The following SLC33A1 variants were observed in gnomAD, a reference collection of about 807,000 sequenced individuals.
SLC33A1 encodes the protein solute carrier family 33 member 1.
Under a neutral mutation model 50.0 loss-of-function variants are expected in SLC33A1, and 20 were observed. The ratio of observed to expected loss-of-function variants is 0.40; its 90% confidence interval spans 0.28 to 0.58. The LOEUF (loss-of-function observed/expected upper bound fraction) is 0.58. Among genes scored for constraint, SLC33A1 ranks in the 20% least tolerant of loss-of-function variants. SLC33A1 has a pLI of 0.44. For synonymous variants in SLC33A1, 265 were observed against 251.8 expected (o/e 1.05, Z -0.50); for missense variants, 476 against 657.0 (o/e 0.72, Z 3.01).
Position 155,853,653 on chromosome 3 carries a change from G to C in SLC33A1, c.345C>G (p.Val115=). The change falls in exon 1 of 6, where the codon GTC becomes GTG. Residue 115 remains valine (V), a synonymous_variant. Transcript: ENST00000643144. ...GTAATTTGAGACTGAAGGGCCAAAA[G>C]ACAAAACTGAAGAAAGCTTGGTCTG... ...SYTDQAFFSF[V]FWPFSLKLLW... is the part of the protein sequence containing the mutation. 6.2e-7 allele frequency: 1 copy of C among 1,614,202 alleles called. No individual in the cohort carries two copies. The highest frequency in any genetic ancestry group is 8.5e-7 in the Non-Finnish European group (1 of 1,180,034).
At chr3:155,838,990 T>C (rs1752815837) in intron 2 of SLC33A1, among the ~76,000 whole-genome samples, 1 of 150,730 alleles carries the variant, frequency 6.6e-6, no homozygotes, top group South Asian at 2.1e-4. Flanking sequence ...CTGTCTCTAC[T>C]AAAAATACAA....
intron 5 of SLC33A1, among the ~76,000 whole-genome samples, chr3:155,828,774 G>A (rs1253267576): frequency 6.6e-6 from 1 of 151,654 alleles, no homozygotes; most frequent in African/African-American, 2.4e-5. Context: ...ATTTTTTGTA[G>A]AGATGGTGCT....
intron 1 of SLC33A1, among the ~76,000 whole-genome samples, chr3:155,845,342 T>C (rs1317873922): frequency 6.6e-6 from 1 of 152,198 alleles, no homozygotes; most frequent in Non-Finnish European, 1.5e-5. Flanking sequence ...TTTTTCTTTT[T>C]TTGAGACAGG....
chr3:155,831,319 G>A (rs992772628), intron 4 of SLC33A1, among the ~76,000 whole-genome samples: 8 of 151,876 alleles, frequency 5.3e-5, no homozygotes, highest in Admixed American at 6.6e-5. Flanking sequence ...AGCTGGGTGA[G>A]GTGGTGCTCA....
Position 155,853,875 on chromosome 3 carries a change from G to A in SLC33A1, c.123C>T (p.Asp41=), listed in dbSNP as rs747392518. ...CTCTGTCCCCTTCCCGGCCCGCTGAGTCCAAATGACTGTCATCCCAACCGC... is the reference window on the plus strand; with the variant it reads ...CTCTGTCCCCTTCCCGGCCCGCTGAATCCAAATGACTGTCATCCCAACCGC... ...PPGGWDDSHL[D]SAGREGDREA... The change falls in exon 1 of 6, where the codon GAC becomes GAT. Residue 41 remains aspartate, a synonymous_variant. Transcript: ENST00000643144. The A allele has an allele frequency of 3.8e-6, 6 of 1,568,718 alleles. No homozygotes were observed. In the South Asian group the frequency reaches 7.1e-5, roughly 19 times the overall value.
intron 5 of SLC33A1, 95 bp downstream of exon 5, chr3:155,829,593 G>C (rs1030581372): frequency 3.3e-6 from 3 of 907,078 alleles, no homozygotes; most frequent in Non-Finnish European, 3.6e-6. Flanking sequence ...GGACAGATAT[G>C]ATTTTTAAAA....
intron 2 of SLC33A1, among the ~76,000 whole-genome samples, chr3:155,838,267 C>T (rs952304233): frequency 2.7e-5 from 4 of 150,346 alleles, no homozygotes; most frequent in Non-Finnish European, 5.9e-5. Flanking sequence ...CATGCCATTG[C>T]ACTCCAGCCT....
chr3:155,841,740 T>C (rs888869542), intron 2 of SLC33A1, among the ~76,000 whole-genome samples: 1 of 151,604 alleles, frequency 6.6e-6, no homozygotes, highest in African/African-American at 2.4e-5. Flanking sequence ...ATCTTTTTAT[T>C]TATTTATTTA....
chr3:155,829,988 C>G, intron 4 of SLC33A1, 85 bp from the exon 5 acceptor site: 1 of 872,626 alleles, frequency 1.1e-6, no homozygotes, highest in Non-Finnish European at 1.8e-6. Flanking sequence ...AGTCATAAAC[C>G]TGAAATTAAT....
Position 155,821,768 on chromosome 3 carries a change from AT to A in SLC33A1, c.*6441del, listed in dbSNP as rs574504862. On this transcript the variant is annotated 3_prime_UTR_variant, in exon 6 of 6. Transcript: ENST00000643144. The stretch of plus-strand genomic sequence containing the variant: ...GACGTGAGCCACTGGACCCGGCCGC[AT>A]TTTTTTTTTTTTTTTTTAATTGAGA... 0.011 allele frequency: 1,288 copies of A among 116,798 alleles called. 3 individuals are homozygous for A. Among genetic ancestry groups the A allele is most frequent in the African/African-American group, 0.015 (565 of 36,660 alleles). The allele number at this position is 116,798 out of a possible 1,614,324, so 7.2% of individuals were successfully genotyped here.
chr3:155,849,887 G>A (rs1236858718), intron 1 of SLC33A1, among the ~76,000 whole-genome samples: 4 of 145,276 alleles, frequency 2.8e-5, no homozygotes, highest in Admixed American at 7.0e-5. Context: ...TACCCTGGGC[G>A]ACAGAGCGAG....
intron 5 of SLC33A1, 106 bp downstream of exon 5, chr3:155,829,582 T>G (rs998299750): frequency 1.1e-5 from 9 of 814,206 alleles, no homozygotes; most frequent in Non-Finnish European, 1.9e-5. Context: ...CCAGAACCTA[T>G]GGACAGATAT....
rs1180640008 is a variant in SLC33A1 at position 155,827,695 on chromosome 3, T to G, written c.*515A>C. 1.9e-5 allele frequency: 3 copies of G among 154,022 alleles called. No homozygotes were observed. The highest frequency in any genetic ancestry group is 2.9e-5 in the Non-Finnish European group (2 of 69,306). The allele number at this position is 154,022 out of a possible 1,614,324, so 9.5% of individuals were successfully genotyped here. ...TAACTAAAATGACATTTCAGTAGTCTATATTCTTTTCTCAGCAAATTCCAC... is the reference window on the plus strand; with the variant it reads ...TAACTAAAATGACATTTCAGTAGTCGATATTCTTTTCTCAGCAAATTCCAC... On this transcript the variant is annotated 3_prime_UTR_variant, in exon 6 of 6. Transcript: ENST00000643144.
In SLC33A1 at chr3:155,823,967, G is replaced by A. The variant is rs1461342708; in HGVS notation, c.*4243C>T. The A allele has an allele frequency of 6.6e-6, 1 of 152,034 alleles. No homozygotes were observed. Among genetic ancestry groups the A allele is most frequent in the Non-Finnish European group, 1.5e-5 (1 of 68,062 alleles). The allele number at this position is 152,034 out of a possible 1,614,324, so 9.4% of individuals were successfully genotyped here. On this transcript the variant is annotated 3_prime_UTR_variant, in exon 6 of 6. Transcript: ENST00000643144. ...GACCTCAAGTGATCCACCCACCTCGGCCTCCCAAAGGGTTGGGATTACAGG... is the reference window on the plus strand; with the variant it reads ...GACCTCAAGTGATCCACCCACCTCGACCTCCCAAAGGGTTGGGATTACAGG...
Position 155,833,882 on chromosome 3 carries a change from T to A in SLC33A1, c.1123A>T (p.Thr375Ser). Residue 375 changes from threonine (T) to serine (S), a missense_variant, in exon 3 of 6, where the codon ACA (threonine) becomes TCA (serine). Thr to Ser is a moderately conservative substitution (Grantham distance 58, BLOSUM62 1). Transcript: ENST00000643144. ...CTGTAGGGCATGGCTTTGTAAAATG[T>A]GTTTAATGGCTGGGGACCTGCAGTG... ...KYTAGPQPLN[T>S]FYKAMPYRLL... The A allele has an allele frequency of 6.2e-7, 1 of 1,613,868 alleles. No homozygotes were observed. The highest frequency in any genetic ancestry group is 1.7e-5 in the Admixed American group (1 of 60,010).
In SLC33A1 at chr3:155,850,297, G is replaced by A. The variant is rs533440244; in HGVS notation, c.775+2926C>T. Among the ~76,000 whole-genome samples, 17 of 152,216 alleles carry A rather than the reference G, an allele frequency of 1.1e-4. 1 individual carries two copies. The highest frequency in any genetic ancestry group is 4.1e-4 in the South Asian group (2 of 4,824). On this transcript the variant is annotated intron_variant, in intron 1 of 5. Transcript: ENST00000643144. ...GTTGGGATTACAGGCGTGAGCCAAC[G>A]CGCCCAGCCAGTTTGTTGCTTTTTA...
intron 2 of SLC33A1, among the ~76,000 whole-genome samples, chr3:155,838,645 C>T (rs1046070605): frequency 6.9e-6 from 1 of 144,526 alleles, no homozygotes; most frequent in African/African-American, 2.7e-5. Context: ...CCCACCACTG[C>T]ACTCCAGCTT....
chr3:155,840,705 T>C (rs1383809429), intron 2 of SLC33A1, among the ~76,000 whole-genome samples: 1 of 152,028 alleles, frequency 6.6e-6, no homozygotes, highest in Admixed American at 6.5e-5. Flanking sequence ...TCCCAGCTAC[T>C]TGGGAGGCTG....
chr3:155,846,978 C>T (rs529035686), intron 1 of SLC33A1, among the ~76,000 whole-genome samples: 9 of 151,184 alleles, frequency 6.0e-5, no homozygotes, highest in Non-Finnish European at 1.3e-4. Context: ...AAGTCAGAGG[C>T]AGGTGGATCA....
Sources: gnomAD v4.1 joint callset for allele counts (sites outside exome capture counted in the v4.1 genomes callset) on GRCh38, gnomAD v4.1.1 for gene constraint, MANE v1.5 for transcripts, NCBI Gene and HGNC (gene_info 2026-07-23, HGNC 2026-07-21) for gene names.